Variants in PCDHGA3 observed in about 807,000 individuals in gnomAD.
PCDHGA3 encodes the protein protocadherin gamma-A3.
Under a neutral mutation model 58.5 loss-of-function variants are expected in PCDHGA3, and 40 were observed. The observed-to-expected ratio is 0.68, with a 90% CI of 0.53 to 0.89. The LOEUF (loss-of-function observed/expected upper bound fraction) is 0.89, where lower values mean the gene tolerates loss of function less well. Ranked by LOEUF, PCDHGA3 falls within the 40% of genes least tolerant of loss-of-function variation. The probability of loss-of-function intolerance (pLI) is 0.00; values close to 1 mark genes in which losing one functional copy is unlikely to be tolerated. For missense variants in PCDHGA3, 1,223 were observed against 1,195.9 expected (o/e 1.02, Z -0.33); for synonymous variants, 530 against 525.7 (o/e 1.01, Z -0.11).
intron 1 of PCDHGA3, chr5:141,400,435 A>G (rs2094019562): frequency 6.2e-7 from 1 of 1,614,078 alleles, no homozygotes. Flanking sequence ...TGAGCAATTG[A>G]GTTCAGGACA....
At chr5:141,350,634 A>G (rs1251918772) in intron 1 of PCDHGA3, 1 of 1,614,046 alleles carries the variant, frequency 6.2e-7, no homozygotes, top group African/African-American at 1.3e-5. Context: ...GATATTAATG[A>G]CAATGCACCA....
At chr5:141,357,924 T>C in intron 1 of PCDHGA3, among the ~76,000 whole-genome samples, 1 of 152,216 alleles carries the variant, frequency 6.6e-6, no homozygotes, top group Non-Finnish European at 1.5e-5. Flanking sequence ...GTGTGGTGGC[T>C]CACACCTGTA....
At chr5:141,382,720 T>G in intron 1 of PCDHGA3, 1 of 480,114 alleles carries the variant, frequency 2.1e-6, no homozygotes, top group Non-Finnish European at 3.5e-6. Flanking sequence ...AACCACCGAG[T>G]TTTACAGCAC....
At chr5:141,409,883 C>G (rs530193346) in intron 1 of PCDHGA3, 2 of 1,612,988 alleles carry the variant, frequency 1.2e-6, no homozygotes, top group South Asian at 2.2e-5. Context: ...CAACGCACCG[C>G]GGGTGCTGTA....
chr5:141,371,597 A>T (rs982667859), intron 1 of PCDHGA3: 1 of 1,613,908 alleles, frequency 6.2e-7, no homozygotes, highest in African/African-American at 1.3e-5. Context: ...CCAAAAACAC[A>T]TACAGGTTGG....
At chr5:141,464,134 G>A (rs1270558696) in intron 1 of PCDHGA3, among the ~76,000 whole-genome samples, 1 of 151,944 alleles carries the variant, frequency 6.6e-6, no homozygotes, top group Admixed American at 6.6e-5. Context: ...GTGTGGTGGT[G>A]GGCGCCTGTA....
At chr5:141,352,953 AC>A (rs1759152572) in intron 1 of PCDHGA3, among the ~76,000 whole-genome samples, 2 of 152,042 alleles carry the variant, frequency 1.3e-5, no homozygotes, top group Admixed American at 6.6e-5. Context: ...GTGCCACTGC[AC>A]TCCAGCCTGG....
chr5:141,510,813 C>G, intron 3 of PCDHGA3, 134 bp from the exon 4 acceptor site: 2 of 1,537,024 alleles, frequency 1.3e-6, no homozygotes, highest in Non-Finnish European at 1.8e-6. Context: ...CTTGGTGACC[C>G]CTATATTCCC....
chr5:141,454,567 C>G (rs572130062), intron 1 of PCDHGA3, among the ~76,000 whole-genome samples: 1 of 150,856 alleles, frequency 6.6e-6, no homozygotes, highest in Non-Finnish European at 1.5e-5. Flanking sequence ...CCACCACGCC[C>G]GGCTAATTTT....
chr5:141,509,144 G>C (rs969990007), intron 3 of PCDHGA3, among the ~76,000 whole-genome samples: 14 of 152,114 alleles, frequency 9.2e-5, no homozygotes, highest in Admixed American at 2.0e-4. Context: ...GGCGCATCCC[G>C]GCTCTCCCCT....
chr5:141,487,451 A>G lies in PCDHGA3; in HGVS notation c.2425-7356A>G. 6.2e-7 allele frequency: 1 copy of G among 1,614,122 alleles called. No homozygotes were observed. Among genetic ancestry groups the G allele is most frequent in the Non-Finnish European group, 8.5e-7 (1 of 1,180,006 alleles). On this transcript the variant is annotated intron_variant, in intron 1 of 3. Transcript: ENST00000253812. This position sits in a 1 kb window ranked among gnomAD's most constrained non-coding sequence, Gnocchi z 5.0. ...AATCCAGCTAGGGTCAGATGACCCT[A>G]TCAAGTTTGTTGATGTGGGAGGCCA...
chr5:141,401,623 T>A (rs1418194568), intron 1 of PCDHGA3, among the ~76,000 whole-genome samples: 1 of 152,230 alleles, frequency 6.6e-6, no homozygotes, highest in African/African-American at 2.4e-5. Flanking sequence ...GGATTTGTCT[T>A]ATCGTTTGGA....
chr5:141,356,450 A>C, intron 1 of PCDHGA3: 1 of 1,613,120 alleles, frequency 6.2e-7, no homozygotes, highest in Non-Finnish European at 8.5e-7. Context: ...GAAGTCTCAG[A>C]ATATAACATC....
chr5:141,471,893 T>G (rs1289667371), intron 1 of PCDHGA3, among the ~76,000 whole-genome samples: 1 of 152,166 alleles, frequency 6.6e-6, no homozygotes, highest in African/African-American at 2.4e-5. Flanking sequence ...CTAGGAAGAT[T>G]GACTACAGAC....
chr5:141,470,860 T>G (rs2099242265), intron 1 of PCDHGA3, among the ~76,000 whole-genome samples: 1 of 151,788 alleles, frequency 6.6e-6, no homozygotes, highest in South Asian at 2.1e-4. Context: ...GATAAGTTTT[T>G]TGTTTGTTTG....
chr5:141,419,769 C>A (rs773303779), intron 1 of PCDHGA3: 14 of 1,614,006 alleles, frequency 8.7e-6, no homozygotes, highest in East Asian at 4.5e-5. Context: ...GACAAGGACT[C>A]GGTCCGCCAG....
chr5:141,357,646 T>C (rs763198848), intron 1 of PCDHGA3: 3 of 1,610,622 alleles, frequency 1.9e-6, no homozygotes, highest in Non-Finnish European at 2.5e-6. Flanking sequence ...TAATAGATCA[T>C]ACCACACTGA....
chr5:141,423,332 C>G, intron 1 of PCDHGA3: 2 of 1,614,198 alleles, frequency 1.2e-6, no homozygotes, highest in Non-Finnish European at 1.7e-6. Flanking sequence ...GCCGCAGTCT[C>G]CTGCATCTTC....
At chr5:141,360,165 G>T in intron 1 of PCDHGA3, 1 of 1,607,726 alleles carries the variant, frequency 6.2e-7, no homozygotes. Flanking sequence ...GGTGCGGGCT[G>T]GTGCGGTGGC....
Sources: gnomAD v4.1 joint callset for allele counts (sites outside exome capture counted in the v4.1 genomes callset) on GRCh38, gnomAD v4.1.1 for gene constraint, Gnocchi (gnomAD v3.1) non-coding constraint, MANE v1.5 for transcripts, NCBI Gene and HGNC (gene_info 2026-07-23, HGNC 2026-07-21) for gene names.